Variants in GFI1B observed in about 807,000 individuals in gnomAD.
GFI1B encodes the protein growth factor independent 1B transcriptional repressor.
GFI1B carries 20 observed loss-of-function variants against 35.3 expected under a neutral mutation model. That is an observed-to-expected ratio of 0.57 (90% confidence interval 0.40 to 0.82). The LOEUF is 0.82. GFI1B is among the 40% of genes least tolerant of loss of function. The pLI is 0.00. For synonymous variants in GFI1B, 178 were observed against 177.6 expected, an observed-to-expected ratio of 1.00 and a Z score of -0.02; for missense variants, 430 against 446.3, an observed-to-expected ratio of 0.96 and a Z score of 0.33.
At chr9:132,986,056 T>C (rs1262604714) in intron 1 of GFI1B, among the ~76,000 whole-genome samples, 1 of 152,110 alleles carries the variant, frequency 6.6e-6, no homozygotes, top group Admixed American at 6.6e-5. Flanking sequence ...GAAGGAGCAG[T>C]GAGGGAAGTT....
chr9:132,961,027 A>T (rs966124114), intron 1 of GFI1B, among the ~76,000 whole-genome samples: 8 of 152,122 alleles, frequency 5.3e-5, no homozygotes, highest in African/African-American at 1.9e-4. Flanking sequence ...GCCTCCCCTG[A>T]AGCATATGCA....
intron 1 of GFI1B, among the ~76,000 whole-genome samples, chr9:132,966,097 C>T (rs192368685): frequency 9.2e-5 from 14 of 152,302 alleles, no homozygotes; most frequent in African/African-American, 2.9e-4. Flanking sequence ...CAGTGGCTCA[C>T]GCCTGCTTTC....
chr9:132,967,169 T>A (rs554353625), intron 1 of GFI1B, among the ~76,000 whole-genome samples: 1 of 152,192 alleles, frequency 6.6e-6, no homozygotes, highest in Non-Finnish European at 1.5e-5. Flanking sequence ...CCCTTCTGCC[T>A]TTCTCCATGG....
In GFI1B at chr9:132,988,362, T is replaced by A; in HGVS notation, c.404T>A (p.Val135Asp). 3.1e-6 allele frequency: 5 copies of A among 1,613,632 alleles called. No homozygotes were observed. The highest frequency in any genetic ancestry group is 3.4e-6 in the Non-Finnish European group (4 of 1,179,952). ...CAGTCAGCCTTCCTGGAGCACTCCG[T>A]CAGCCTGTACGGCAGTCCTCTTGTG... The part of the protein sequence containing the change: ...TMQSAFLEHS[V>D]SLYGSPLVPS... The change falls in exon 4 of 7, where the codon GTC (valine) becomes GAC (aspartate). Residue 135 changes from valine to aspartate, a missense_variant. Physicochemically the swap from Val to Asp is radical, Grantham distance 152. Transcript: ENST00000372122.
intron 1 of GFI1B, among the ~76,000 whole-genome samples, chr9:132,966,229 C>T (rs908900516): frequency 2.0e-5 from 3 of 152,036 alleles, no homozygotes; most frequent in African/African-American, 4.8e-5. Flanking sequence ...TGTGGTGGCG[C>T]GTACCTATAG....
chr9:132,949,346 C>T (rs1049132066), intron 1 of GFI1B, among the ~76,000 whole-genome samples: 4 of 151,892 alleles, frequency 2.6e-5, no homozygotes, highest in Non-Finnish European at 5.9e-5. Context: ...CACACATACA[C>T]ACACACACAC....
chr9:132,979,436 A>C (rs1484254788), intron 1 of GFI1B, among the ~76,000 whole-genome samples: 1 of 151,832 alleles, frequency 6.6e-6, no homozygotes, highest in Non-Finnish European at 1.5e-5. Flanking sequence ...GACGGGTTTC[A>C]CCATGTTGGC....
Position 132,955,808 on chromosome 9 carries a change from ATGTGTGTG to A in GFI1B, c.-701+10165_-701+10172del, listed in dbSNP as rs3049917. Among the ~76,000 whole-genome samples, 750 of 146,542 alleles carry A rather than the reference ATGTGTGTG, an allele frequency of 5.1e-3. 5 individuals carry two copies. Among genetic ancestry groups the A allele is most frequent in the African/African-American group, 0.018 (711 of 39,586 alleles). Reference sequence around the variant, plus strand: ...CAACGTGATGTGTGTGTGTGTGTGCATGTGTGTGTGTGTGTGTGTGTGTGTGTGTGTGT... The same window carrying A: ...CAACGTGATGTGTGTGTGTGTGTGCATGTGTGTGTGTGTGTGTGTGTGTGT... On this transcript the variant is annotated intron_variant, in intron 1 of 10. Coordinates refer to the GFI1B transcript ENST00000339463.
chr9:132,960,384 A>C (rs765861250), intron 1 of GFI1B, among the ~76,000 whole-genome samples: 2 of 152,228 alleles, frequency 1.3e-5, no homozygotes, highest in Non-Finnish European at 2.9e-5. Context: ...AGCCTGGGCT[A>C]TATCTGTAGG....
chr9:132,990,077 A>C (rs962059503), intron 6 of GFI1B, among the ~76,000 whole-genome samples, 170 bp downstream of exon 6: 1 of 152,240 alleles, frequency 6.6e-6, no homozygotes, highest in Non-Finnish European at 1.5e-5. Context: ...CACTTAATGC[A>C]TGGAAAAAAA....
chr9:132,991,492 C>T lies in GFI1B; in HGVS notation c.*442C>T, dbSNP rs895331770. 5 of 188,270 alleles carry T rather than the reference C, an allele frequency of 2.7e-5. No individual in the cohort carries two copies. The highest frequency in any genetic ancestry group is 5.6e-5 in the Non-Finnish European group (5 of 88,538). The allele number at this position is 188,270 out of a possible 1,614,324, so 11.7% of individuals were successfully genotyped here. The stretch of plus-strand genomic sequence containing the variant: ...CTATAACAGGCAGAGTCGGAGCTGC[C>T]TCCCACCCCAGTCAGAAGCCTGGCA... On this transcript the variant is annotated 3_prime_UTR_variant, in exon 7 of 7. Transcript: ENST00000372122.
intron 1 of GFI1B, chr9:132,952,156 ACTGAAGT>A (rs1468477998): frequency 6.6e-6 from 1 of 152,152 alleles, no homozygotes; most frequent in Non-Finnish European, 1.5e-5. Context: ...CTTGGTTGTT[ACTGAAGT>A]AGAGAAATTC....
chr9:132,984,445 G>C (rs2132634706), intron 1 of GFI1B, among the ~76,000 whole-genome samples: 1 of 152,318 alleles, frequency 6.6e-6, no homozygotes, highest in Admixed American at 6.5e-5. Context: ...CGCGGGAAGG[G>C]ACCCCAGAGG....
Position 132,969,036 on chromosome 9 carries a change from A to AT in GFI1B, c.-700-3688dup, listed in dbSNP as rs1434176407. Among the ~76,000 whole-genome samples the AT allele has an allele frequency of 7.0e-4, 105 of 149,030 alleles. 1 individual carries two copies. The highest frequency in any genetic ancestry group is 2.1e-3 in the African/African-American group (85 of 39,866). On this transcript the variant is annotated intron_variant, in intron 1 of 10. Coordinates refer to the GFI1B transcript ENST00000339463. ...ACTTCCTGTCTCTATGATTTGTTTT[A>AT]TGTTTTTTTTGAGACAGAGTCTCAC...
intron 1 of GFI1B, chr9:132,953,147 G>T (rs1016064111): frequency 6.6e-6 from 1 of 151,992 alleles, no homozygotes; most frequent in Non-Finnish European, 1.5e-5. Flanking sequence ...TCTGTTCTTT[G>T]TTCCTTTCTT....
At chr9:132,980,150 G>C (rs1342529274) in intron 1 of GFI1B, among the ~76,000 whole-genome samples, 1 of 149,466 alleles carries the variant, frequency 6.7e-6, no homozygotes, top group East Asian at 2.0e-4. Flanking sequence ...GCTATACCTG[G>C]TTTCGGTTTG....
intron 1 of GFI1B, among the ~76,000 whole-genome samples, chr9:132,969,933 A>G (rs1848507413): frequency 6.6e-6 from 1 of 152,184 alleles, no homozygotes; most frequent in Non-Finnish European, 1.5e-5. Flanking sequence ...AAAATCTCCG[A>G]AGGCGGCCGG....
chr9:132,979,678 C>T (rs1311693976), intron 1 of GFI1B, among the ~76,000 whole-genome samples: 3 of 152,168 alleles, frequency 2.0e-5, no homozygotes, highest in Admixed American at 1.3e-4. Flanking sequence ...TGTTTCAGCT[C>T]GCCTTTCCCT....
At chr9:132,979,124 A>G (rs1251731526) in intron 1 of GFI1B, among the ~76,000 whole-genome samples, 4 of 152,120 alleles carry the variant, frequency 2.6e-5, no homozygotes, top group Admixed American at 2.0e-4. Flanking sequence ...AGTCATACCC[A>G]CAACCCAGCT....
Sources: gnomAD v4.1 joint callset for allele counts (sites outside exome capture counted in the v4.1 genomes callset) on GRCh38, gnomAD v4.1.1 for gene constraint, MANE v1.5 for transcripts, NCBI Gene and HGNC (gene_info 2026-07-23, HGNC 2026-07-21) for gene names.